The following KLHL30 variants were observed in gnomAD, a reference collection of about 807,000 sequenced individuals.
KLHL30 encodes the protein kelch like family member 30.
KLHL30 carries 55 observed loss-of-function variants against 55.0 expected under a neutral mutation model. The ratio of observed to expected loss-of-function variants is 1.00; its 90% CI spans 0.80 to 1.25. The LOEUF (loss-of-function observed/expected upper bound fraction) is 1.25. Among genes scored for constraint, KLHL30 ranks in the 50% most tolerant of loss-of-function variants. The probability of loss-of-function intolerance (pLI) is 0.00; values close to 1 mark genes in which losing one functional copy is unlikely to be tolerated. For synonymous variants in KLHL30, 356 were observed against 372.6 expected, an observed-to-expected ratio of 0.96 and a Z score of 0.51; for missense variants, 786 against 811.6, an observed-to-expected ratio of 0.97 and a Z score of 0.38.
chr2:238,151,368 C>T lies in KLHL30; in HGVS notation c.*303C>T, dbSNP rs1029402847. 19 of 459,556 alleles carry T rather than the reference C, an allele frequency of 4.1e-5. No individual in the cohort carries two copies. The highest frequency in any genetic ancestry group is 5.7e-4 in the Middle Eastern group (1 of 1,746). The allele number at this position is 459,556 out of a possible 1,614,324, so 28.5% of individuals were successfully genotyped here. ...GACCTCAGAGAGGGGAGCCGGGGGC[C>T]GGGCCAGCATTCCCAGAGCTTGCGA... is the stretch of plus-strand genomic sequence containing the variant. On this transcript the variant is annotated 3_prime_UTR_variant, in exon 8 of 8. Transcript: ENST00000409223.
At chr2:238,148,411 G>A (rs545085074) in intron 6 of KLHL30, among the ~76,000 whole-genome samples, 40 of 152,282 alleles carry the variant, frequency 2.6e-4, no homozygotes, top group Non-Finnish European at 4.6e-4. Context: ...CCCGACCTCC[G>A]AGGCCTCGAG....
chr2:238,139,538 G>A lies in KLHL30; in HGVS notation c.-71+780G>A, dbSNP rs571951547. Among the ~76,000 whole-genome samples, 5 of 152,270 alleles carry A rather than the reference G, an allele frequency of 3.3e-5. No homozygotes were observed. In the South Asian group the frequency reaches 1.0e-3, roughly 32 times the overall value. On this transcript the variant is annotated intron_variant, in intron 1 of 7. Transcript: ENST00000409223. ...CCTGTGGGCTCCCAGGTGCTTCCCC[G>A]CTCTGGGGTCAAGAGGTGGCACCGG...
rs1242392227 is a variant in KLHL30 at position 238,147,102 on chromosome 2, G to A, written c.1151-732G>A. ...GTTGAGGCTGCAATGAGCTGTAATC[G>A]CACCACTGCACTTCAGCCTGGGTGA... On this transcript the variant is annotated intron_variant, in intron 5 of 7. Coordinates refer to ENST00000409223, the MANE Select transcript of KLHL30 (RefSeq NM_198582.4). The surrounding 1 kb of genome is among the most constrained non-coding windows in gnomAD (Gnocchi z 5.8). Among the ~76,000 whole-genome samples the A allele has an allele frequency of 2.7e-5, 4 of 148,242 alleles. No individual in the cohort carries two copies. Among genetic ancestry groups the A allele is most frequent in the East Asian group, 2.0e-4 (1 of 4,984 alleles).
chr2:238,149,131 C>T lies in KLHL30; in HGVS notation c.1464C>T (p.Pro488=), dbSNP rs548102228. 9.5e-5 allele frequency: 154 copies of T among 1,612,888 alleles called. No individual in the cohort carries two copies. The highest frequency in any genetic ancestry group is 6.7e-4 in the East Asian group (30 of 44,882). The change falls in exon 7 of 8, where the codon CCC becomes CCT. Residue 488 remains proline (P), a synonymous_variant. Transcript: ENST00000409223. ...CCAAGAAGGTCTACGTGTACGACCCCGGGGCCAACCTGTGGCAGAAGGTGG... is the reference window on the plus strand; with the variant it reads ...CCAAGAAGGTCTACGTGTACGACCCTGGGGCCAACCTGTGGCAGAAGGTGG... ...DNTKKVYVYD[P]GANLWQKVQS...
intron 6 of KLHL30, 126 bp downstream of exon 6, chr2:238,148,148 G>C (rs62194870): frequency 1.1e-6 from 1 of 923,726 alleles, no homozygotes; most frequent in East Asian, 3.2e-5. Flanking sequence ...GAGAGAGCCG[G>C]CGGCCGCAGG....
chr2:238,143,026 C>T, intron 3 of KLHL30, 95 bp downstream of exon 3: 1 of 1,367,076 alleles, frequency 7.3e-7, no homozygotes. Flanking sequence ...ATGAGGCTCG[C>T]AGAGGACCGG....
intron 6 of KLHL30, among the ~76,000 whole-genome samples, chr2:238,148,244 A>G (rs7594225): frequency 0.83 from 125,845 of 151,720 alleles, 52,638 homozygotes; most frequent in African/African-American, 0.95. Context: ...GAGTCCCAGC[A>G]CAGAGGCGAG....
intron 6 of KLHL30, 104 bp downstream of exon 6, chr2:238,148,126 G>A (rs1478804760): frequency 3.4e-6 from 4 of 1,160,672 alleles, no homozygotes; most frequent in Non-Finnish European, 3.4e-6. Flanking sequence ...AGGATAGACG[G>A]GGCCCGGGGT....
intron 6 of KLHL30, 142 bp from the exon 7 acceptor site, chr2:238,148,865 G>T: frequency 1.3e-6 from 1 of 791,834 alleles, no homozygotes; most frequent in Non-Finnish European, 2.0e-6. Flanking sequence ...CAGCTGCACC[G>T]CAGGGACCTA....
In KLHL30 at chr2:238,150,899, G is replaced by A. The variant is rs1163568624; in HGVS notation, c.1571G>A (p.Gly524Asp). 59 of 1,599,612 alleles carry A rather than the reference G, an allele frequency of 3.7e-5. No homozygotes were observed. Among genetic ancestry groups the A allele is most frequent in the Non-Finnish European group, 5.0e-5 (59 of 1,174,408 alleles). Reference protein sequence around the residue: ...ALYVTGGRWQGMEGDYHVEME... With the variant: ...ALYVTGGRWQDMEGDYHVEME... ...TACGTGACGGGCGGCCGCTGGCAGG[G>A]CATGGAAGGTGACTACCACGTGGAG... is the stretch of plus-strand genomic sequence containing the variant. Residue 524 changes from glycine (G) to aspartate (D), a missense_variant, in exon 8 of 8, where the codon GGC becomes GAC. Gly to Asp is a moderately conservative substitution (Grantham distance 94). Transcript: ENST00000409223.
At position 238,151,067 on chromosome 2, in the gene KLHL30, C is replaced by T. The variant is rs766324739; in HGVS notation, c.*2C>T. On this transcript the variant is annotated 3_prime_UTR_variant, in exon 8 of 8. Transcript: ENST00000409223. ...TCCGGCCCCACCCAGGAGCACTAAA[C>T]CAGGGCCAGGGTCCCCGGGGAGGAG... is the stretch of plus-strand genomic sequence containing the variant. The T allele has an allele frequency of 2.5e-6, 4 of 1,584,430 alleles. No homozygotes were observed. The South Asian group carries it at 3.4e-5, about 14-fold the overall frequency.
chr2:238,151,524 G>A lies in KLHL30; in HGVS notation c.*459G>A. Reference sequence around the variant, plus strand: ...GCCCCGGAGATGGGATCAGCACCAGGTCCTCGTGGGCCTGCTTCTGCCCAG... The same window carrying A: ...GCCCCGGAGATGGGATCAGCACCAGATCCTCGTGGGCCTGCTTCTGCCCAG... On this transcript the variant is annotated 3_prime_UTR_variant, in exon 8 of 8. Coordinates refer to ENST00000409223, the MANE Select transcript of KLHL30 (RefSeq NM_198582.4). The A allele has an allele frequency of 1.1e-5, 2 of 186,196 alleles. No individual in the cohort carries two copies. Among genetic ancestry groups the A allele is most frequent in the East Asian group, 1.5e-4 (1 of 6,830 alleles). 11.5% of individuals were successfully genotyped at this position (186,196 alleles called of 1,614,324 possible).
intron 1 of KLHL30, among the ~76,000 whole-genome samples, chr2:238,139,693 G>C (rs532657629): frequency 3.9e-5 from 6 of 152,306 alleles, no homozygotes; most frequent in South Asian, 2.1e-4. Flanking sequence ...GCGTTCCCAC[G>C]CATTTTGTAC....
chr2:238,150,619 C>T (rs1692736507), intron 7 of KLHL30, among the ~76,000 whole-genome samples, 195 bp from the exon 8 acceptor site: 1 of 152,146 alleles, frequency 6.6e-6, no homozygotes, highest in Admixed American at 6.5e-5. Flanking sequence ...AGGGACCTCC[C>T]CACCAAAAGA....
intron 3 of KLHL30, among the ~76,000 whole-genome samples, chr2:238,144,659 G>T (rs1692615819): frequency 1.3e-5 from 2 of 152,080 alleles, no homozygotes; most frequent in Non-Finnish European, 2.9e-5. Context: ...TTCTCCAGGG[G>T]GCTATCCTGT....
chr2:238,144,432 A>AAGGAAGGCAGGCAGGCAGGCAGGC (rs1692608040), intron 3 of KLHL30, among the ~76,000 whole-genome samples: 8 of 82,448 alleles, frequency 9.7e-5, no homozygotes, highest in African/African-American at 3.2e-4. Flanking sequence ...GGAAGGAAGG[A>AAGGAAGGCAGGCAGGCAGGCAGGC]AGGCAGGCAG....
chr2:238,144,847 C>G, intron 3 of KLHL30, 55 bp from the exon 4 acceptor site: 1 of 1,357,428 alleles, frequency 7.4e-7, no homozygotes, highest in Non-Finnish European at 1.0e-6. Context: ...GGAGTGGGGA[C>G]CACCCCAGCA....
chr2:238,147,635 C>T lies in KLHL30; in HGVS notation c.1151-199C>T, dbSNP rs897467185. On this transcript the variant is annotated intron_variant, in intron 5 of 7. Transcript: ENST00000409223. This position sits in a 1 kb window ranked among gnomAD's most constrained non-coding sequence, Gnocchi z 5.8. ...TGGGGCATTTCTAGGCCCGAGTGTC[C>T]ACCCCCACCCCCACCACTTCCTGGC... is the stretch of plus-strand genomic sequence containing the variant. Among the ~76,000 whole-genome samples the T allele has an allele frequency of 7.2e-5, 11 of 152,158 alleles. No individual in the cohort carries two copies. The highest frequency in any genetic ancestry group is 2.7e-4 in the African/African-American group (11 of 41,438).
chr2:238,138,855 G>T, intron 1 of KLHL30, 97 bp downstream of exon 1: 1 of 152,750 alleles, frequency 6.5e-6, no homozygotes, highest in Non-Finnish European at 1.5e-5. Flanking sequence ...CCCGAGGCCA[G>T]GGATCACAGC....
Sources: allele counts gnomAD v4.1 joint callset (sites outside exome capture counted in the v4.1 genomes callset), GRCh38; gene constraint gnomAD v4.1.1; non-coding constraint Gnocchi (gnomAD v3.1); transcripts MANE v1.5; gene names NCBI Gene and HGNC (gene_info 2026-07-23, HGNC 2026-07-21).